Variants in B4GALNT3 observed in about 807,000 individuals in gnomAD.
B4GALNT3 encodes the protein beta-1,4-N-acetyl-galactosaminyltransferase 3.
Under a neutral mutation model 120.2 loss-of-function variants are expected in B4GALNT3, and 86 were observed. That is an observed-to-expected ratio of 0.72 (90% confidence interval 0.60 to 0.86). The LOEUF is 0.86. B4GALNT3 is among the 40% of genes least tolerant of loss of function. The probability of loss-of-function intolerance (pLI) is 0.00; values close to 1 mark genes in which losing one functional copy is unlikely to be tolerated. For synonymous variants in B4GALNT3, 518 were observed against 510.4 expected (o/e 1.01, Z -0.20); for missense variants, 1,167 against 1,298.9 (o/e 0.90, Z 1.56).
rs1947240282 is a variant in B4GALNT3 at position 562,333 on chromosome 12, G to A, written c.*882G>A. The A allele has an allele frequency of 6.6e-6, 1 of 152,500 alleles. No individual in the cohort carries two copies. Among genetic ancestry groups the A allele is most frequent in the African/African-American group, 2.4e-5 (1 of 41,450 alleles). The allele number at this position is 152,500 out of a possible 1,614,324, so 9.4% of individuals were successfully genotyped here. On this transcript the variant is annotated 3_prime_UTR_variant, in exon 20 of 20. Transcript: ENST00000266383. The surrounding 1 kb of genome is among the most constrained non-coding windows in gnomAD (Gnocchi z 5.2). ...CATGGAGAAGAGGTAAAGAGGATGTGGACATATCTGTCAATTTCCTTAGGC... is the reference window on the plus strand; with the variant it reads ...CATGGAGAAGAGGTAAAGAGGATGTAGACATATCTGTCAATTTCCTTAGGC...
chr12:469,966 G>A (rs1324918185), intron 1 of B4GALNT3, among the ~76,000 whole-genome samples: 1 of 152,014 alleles, frequency 6.6e-6, no homozygotes, highest in Non-Finnish European at 1.5e-5. Context: ...AATGTACACC[G>A]TGCATGGCCA....
At chr12:492,055 C>CAAAAAAAAAAAAAAAAAA (rs55702729) in intron 1 of B4GALNT3, among the ~76,000 whole-genome samples, 1 of 131,982 alleles carries the variant, frequency 7.6e-6, no homozygotes. Context: ...GAGACCGTCT[C>CAAAAAAAAAAAAAAAAAA]AAAAAAAAAA....
At chr12:465,680 A>G (rs570413432) in intron 1 of B4GALNT3, among the ~76,000 whole-genome samples, 50 of 152,256 alleles carry the variant, frequency 3.3e-4, no homozygotes, top group Middle Eastern at 6.8e-3. Context: ...CACATCTGCC[A>G]TCTTTACCCT....
chr12:512,150 C>T (rs138659040), intron 1 of B4GALNT3, among the ~76,000 whole-genome samples: 5,523 of 75,098 alleles, frequency 0.074, 467 homozygotes, highest in Non-Finnish European at 0.098. Context: ...TTCCACCTTC[C>T]GCCTTCCGCC....
chr12:549,304 G>A (rs1324310021), intron 9 of B4GALNT3, among the ~76,000 whole-genome samples: 1 of 152,166 alleles, frequency 6.6e-6, no homozygotes, highest in Non-Finnish European at 1.5e-5. Context: ...TTGGGCAAAT[G>A]ACTTAGATTC....
chr12:545,095 A>T, intron 5 of B4GALNT3, 123 bp downstream of exon 5: 1 of 1,463,140 alleles, frequency 6.8e-7, no homozygotes, highest in Non-Finnish European at 9.1e-7. Flanking sequence ...CCTCAGGAAG[A>T]GAGGGGAAAT....
rs151005101 is a variant in B4GALNT3, at chr12:550,621, G to A, written c.998-301G>A. ...GTTATCGGTACTGTACGAGGGAGGGGACCTTCTGGCCTCTTAGAAGTTTCT... is the reference window on the plus strand; with the variant it reads ...GTTATCGGTACTGTACGAGGGAGGGAACCTTCTGGCCTCTTAGAAGTTTCT... On this transcript the variant is annotated intron_variant, in intron 10 of 19. Coordinates refer to ENST00000266383, the MANE Select transcript of B4GALNT3 (RefSeq NM_173593.4). This position sits in a 1 kb window ranked among gnomAD's most constrained non-coding sequence, Gnocchi z 4.1. 1.0e-3 allele frequency among the ~76,000 whole-genome samples: 153 copies of A among 152,312 alleles called. 1 individual carries two copies. In the East Asian group the frequency reaches 0.025, roughly 25 times the overall value.
intron 1 of B4GALNT3, among the ~76,000 whole-genome samples, chr12:494,232 C>T (rs1946369208): frequency 6.6e-6 from 1 of 150,520 alleles, no homozygotes; most frequent in Non-Finnish European, 1.5e-5. Flanking sequence ...GAGCCATGAT[C>T]GTGCTACTGT....
At chr12:481,736 C>T (rs934164946) in intron 1 of B4GALNT3, among the ~76,000 whole-genome samples, 1 of 152,242 alleles carries the variant, frequency 6.6e-6, no homozygotes. Context: ...GAGTCTCAGC[C>T]GCCCTGCAGG....
rs565470598 is a variant in B4GALNT3, at chr12:558,414, A to C, written c.2608-94A>C. 54 of 1,230,456 alleles carry C rather than the reference A, an allele frequency of 4.4e-5. No homozygotes were observed. In the South Asian group the frequency reaches 7.2e-4, roughly 16 times the overall value. 76.2% of individuals were successfully genotyped at this position (1,230,456 alleles called of 1,614,324 possible). A position where few individuals can be genotyped will look rare whatever the true frequency, so the allele number is the denominator to read the frequency against. On this transcript the variant is annotated intron_variant, in intron 17 of 19. Transcript: ENST00000266383. ...TTTGTGGGAGTTTGTGAATCACTCC[A>C]ATAGGGAAGACTCCGAGGCTTCTCC... is the stretch of plus-strand genomic sequence containing the variant.
chr12:492,856 A>G (rs1159183249), intron 1 of B4GALNT3, among the ~76,000 whole-genome samples: 4 of 151,846 alleles, frequency 2.6e-5, no homozygotes. Flanking sequence ...AAGACATGCA[A>G]TGTGGTAAAG....
chr12:461,143 G>A (rs1295006252), intron 1 of B4GALNT3, among the ~76,000 whole-genome samples: 1 of 151,970 alleles, frequency 6.6e-6, no homozygotes, highest in Admixed American at 6.6e-5. Context: ...CTCCGTCCTC[G>A]GCTCTTTGAA....
intron 1 of B4GALNT3, among the ~76,000 whole-genome samples, chr12:494,609 A>G (rs1946371801): frequency 6.6e-6 from 1 of 152,052 alleles, no homozygotes; most frequent in Admixed American, 6.6e-5. Context: ...GGCTTCGGAG[A>G]ATTTCCTGAG....
chr12:560,588 G>A (rs1459029874), intron 19 of B4GALNT3, among the ~76,000 whole-genome samples: 2 of 152,236 alleles, frequency 1.3e-5, no homozygotes, highest in Non-Finnish European at 2.9e-5. Flanking sequence ...GTGAAAAGGG[G>A]GAAGGTAAAG....
At chr12:479,735 G>A (rs1946216926) in intron 1 of B4GALNT3, among the ~76,000 whole-genome samples, 1 of 152,128 alleles carries the variant, frequency 6.6e-6, no homozygotes, top group Admixed American at 6.6e-5. Flanking sequence ...CCACGTTGTA[G>A]AATCATAGAG....
chr12:466,424 T>C (rs1248826196), intron 1 of B4GALNT3, among the ~76,000 whole-genome samples: 1 of 152,224 alleles, frequency 6.6e-6, no homozygotes, highest in African/African-American at 2.4e-5. Context: ...ACTACGCTTT[T>C]ATTTTCCACA....
chr12:488,893 GAAAA>G (rs55921058), intron 1 of B4GALNT3, among the ~76,000 whole-genome samples: 1 of 143,796 alleles, frequency 7.0e-6, no homozygotes, highest in Non-Finnish European at 1.5e-5. Context: ...GGCTCCACTG[GAAAA>G]AAAAAAAAGT....
intron 1 of B4GALNT3, among the ~76,000 whole-genome samples, chr12:504,338 C>G (rs1946474194): frequency 5.4e-5 from 8 of 146,826 alleles, no homozygotes; most frequent in Admixed American, 2.1e-4. Context: ...AAAATGAAAT[C>G]CAATACTATA....
At chr12:529,049 C>A (rs534510065) in intron 1 of B4GALNT3, among the ~76,000 whole-genome samples, 1 of 152,254 alleles carries the variant, frequency 6.6e-6, no homozygotes, top group East Asian at 1.9e-4. Flanking sequence ...GTACATGGAA[C>A]CAGCCCTCCC....
Sources: allele counts gnomAD v4.1 joint callset (sites outside exome capture counted in the v4.1 genomes callset), GRCh38; gene constraint gnomAD v4.1.1; non-coding constraint Gnocchi (gnomAD v3.1); transcripts MANE v1.5; gene names NCBI Gene and HGNC (gene_info 2026-07-23, HGNC 2026-07-21).